BLTP1: variants seen among roughly 807,000 people sequenced by gnomAD.
BLTP1 encodes the protein fragile site-associated protein.
At chr4:122,333,872 AT>A in the BLTP1 span, 1 of 1,540,612 alleles carries the variant, frequency 6.5e-7, no homozygotes, top group Non-Finnish European at 8.7e-7. Context: ...ATTTTCTATC[AT>A]ATATGTTCAT....
At chr4:122,333,892 CATT>C in the BLTP1 span, 1 of 1,489,944 alleles carries the variant, frequency 6.7e-7, no homozygotes, top group Non-Finnish European at 8.9e-7. Flanking sequence ...ATCTTTTTCT[CATT>C]ATATTAAAAT....
chr4:122,341,599 TC>T, the BLTP1 span: 4 of 853,394 alleles, frequency 4.7e-6, no homozygotes, highest in Non-Finnish European at 5.6e-6. Flanking sequence ...ATTTTATGAT[TC>T]CTTAGAAAAC....
the BLTP1 span, chr4:122,250,362 G>T: frequency 6.3e-7 from 1 of 1,595,754 alleles, no homozygotes. Flanking sequence ...ATTTTTATAG[G>T]AGGAAGACAG....
chr4:122,186,199 A>C, the BLTP1 span: 1 of 1,611,800 alleles, frequency 6.2e-7, no homozygotes, highest in Non-Finnish European at 8.5e-7. Context: ...TTGGAAGAAC[A>C]AGAACCCAAT....
the BLTP1 span, chr4:122,209,439 G>A: frequency 8.6e-7 from 1 of 1,159,206 alleles, no homozygotes; most frequent in African/African-American, 1.6e-5. Context: ...GAGATCAGGA[G>A]TTCGAGACCA....
the BLTP1 span, chr4:122,190,278 T>A: frequency 1.8e-6 from 1 of 554,054 alleles, no homozygotes; most frequent in Non-Finnish European, 2.3e-6. Flanking sequence ...TAAAGTTTTG[T>A]AGAGATGGTA....
At chr4:122,205,869 G>A in the BLTP1 span, 1 of 729,294 alleles carries the variant, frequency 1.4e-6, no homozygotes, top group African/African-American at 1.9e-5. Flanking sequence ...GTATACAAAG[G>A]TGAGTTTGAC....
chr4:122,165,538 T>A, the BLTP1 span, among the ~76,000 whole-genome samples: 6 of 129,404 alleles, frequency 4.6e-5, 2 homozygotes, highest in Non-Finnish European at 6.9e-5. Context: ...AACATAGGTG[T>A]GCATGCGTCT....
At chr4:122,238,094 A>T in the BLTP1 span, 3 of 1,613,870 alleles carry the variant, frequency 1.9e-6, no homozygotes, top group East Asian at 6.7e-5. Flanking sequence ...TTGTTTAGGT[A>T]ATGTGAATGG....
chr4:122,326,877 T>G, the BLTP1 span, among the ~76,000 whole-genome samples: 1 of 151,810 alleles, frequency 6.6e-6, no homozygotes, highest in Non-Finnish European at 1.5e-5. Flanking sequence ...CAGTCTAATT[T>G]ACTTGTTAAC....
At chr4:122,274,526 T>C in the BLTP1 span, 1 of 1,504,698 alleles carries the variant, frequency 6.6e-7, no homozygotes, top group African/African-American at 1.4e-5. Context: ...TTGAGGTTTG[T>C]ATATACAATA....
the BLTP1 span, among the ~76,000 whole-genome samples, chr4:122,180,479 C>T: frequency 6.6e-6 from 1 of 152,164 alleles, no homozygotes; most frequent in South Asian, 2.1e-4. Flanking sequence ...TCTAGGCACT[C>T]TATGCACATA....
the BLTP1 span, among the ~76,000 whole-genome samples, chr4:122,163,275 G>A: frequency 6.6e-6 from 1 of 152,186 alleles, no homozygotes; most frequent in Non-Finnish European, 1.5e-5. Flanking sequence ...TGTTACCACT[G>A]TGGGCACCTG....
At chr4:122,184,652 A>G in the BLTP1 span, 1 of 984,088 alleles carries the variant, frequency 1.0e-6, no homozygotes, top group Non-Finnish European at 1.2e-6. Flanking sequence ...AAAAAAACCA[A>G]AAAACAAAAA....
the BLTP1 span, chr4:122,344,699 C>G: frequency 3.3e-6 from 4 of 1,216,050 alleles, no homozygotes; most frequent in Non-Finnish European, 4.5e-6. Context: ...AGAGGAATGC[C>G]CAGCCTACGG....
the BLTP1 span, chr4:122,325,109 A>G: frequency 6.0e-6 from 6 of 1,006,344 alleles, no homozygotes; most frequent in Admixed American, 3.3e-5. Flanking sequence ...AGAAAGTTCA[A>G]TCCTTTGATT....
chr4:122,202,607 A>C, the BLTP1 span: 7 of 764,398 alleles, frequency 9.2e-6, no homozygotes, highest in Non-Finnish European at 1.1e-5. Context: ...TAATCTTTTA[A>C]AATAGATACC....
At chr4:122,344,724 A>G in the BLTP1 span, 1 of 1,262,866 alleles carries the variant, frequency 7.9e-7, no homozygotes, top group Non-Finnish European at 1.0e-6. Flanking sequence ...GTGTCAATCC[A>G]AGTAATAAAT....
the BLTP1 span, chr4:122,344,353 G>A: frequency 6.2e-7 from 1 of 1,609,032 alleles, no homozygotes; most frequent in African/African-American, 1.3e-5. Flanking sequence ...TATAGATGTG[G>A]GGGTTGTGTT....
Sources: allele counts gnomAD v4.1 joint callset (sites outside exome capture counted in the v4.1 genomes callset), GRCh38; gene constraint gnomAD v4.1.1; transcripts MANE v1.5; gene names NCBI Gene and HGNC (gene_info 2026-07-23, HGNC 2026-07-21).